Variants in NT5DC3 observed in about 807,000 individuals in gnomAD.
NT5DC3 encodes 5'-nucleotidase domain-containing protein 3.
Under a neutral mutation model 67.8 loss-of-function variants are expected in NT5DC3, and 42 were observed. The observed-to-expected ratio is 0.62, with a 90% CI of 0.48 to 0.80. NT5DC3 has a LOEUF of 0.80. Among genes scored for constraint, NT5DC3 ranks in the 30% least tolerant of loss-of-function variants. The pLI, the probability that NT5DC3 is intolerant of heterozygous loss-of-function variation, is 0.00. For missense variants in NT5DC3, 570 were observed against 696.4 expected (o/e 0.82, Z 2.04); for synonymous variants, 237 against 255.6 (o/e 0.93, Z 0.69).
In NT5DC3 at chr12:103,776,674, C is replaced by CAAAAAA. The variant is rs59680009; in HGVS notation, c.*1149_*1154dup. On this transcript the variant is annotated 3_prime_UTR_variant, in exon 14 of 14. Transcript: ENST00000392876. Reference sequence around the variant, plus strand: ...ACATCTAAAAAAAAACAAAACAAAACAAAAAAAAAAAAAACAAACTACACA... The same window carrying CAAAAAA: ...ACATCTAAAAAAAAACAAAACAAAACAAAAAAAAAAAAAAAAAAAACAAACTACACA... The CAAAAAA allele has an allele frequency of 4.5e-5, 6 of 134,778 alleles. No homozygotes were observed. The highest frequency in any genetic ancestry group is 4.8e-5 in the Non-Finnish European group (3 of 63,008). The allele number at this position is 134,778 out of a possible 1,614,324, so 8.3% of individuals were successfully genotyped here.
intron 2 of NT5DC3, among the ~76,000 whole-genome samples, chr12:103,807,154 A>G (rs1427758140): frequency 1.3e-5 from 2 of 152,074 alleles, no homozygotes; most frequent in Non-Finnish European, 2.9e-5. Flanking sequence ...CCATCTGCCC[A>G]AGCACAGGCT....
intron 4 of NT5DC3, among the ~76,000 whole-genome samples, chr12:103,805,061 A>C (rs1384022249): frequency 6.6e-6 from 1 of 151,814 alleles, no homozygotes; most frequent in Non-Finnish European, 1.5e-5. Flanking sequence ...CAATAACAAA[A>C]AAAAAAAAAA....
intron 1 of NT5DC3, among the ~76,000 whole-genome samples, chr12:103,829,394 T>C (rs1415703215): frequency 3.9e-5 from 6 of 152,374 alleles, no homozygotes; most frequent in South Asian, 4.1e-4. Flanking sequence ...ACCTTTCTTA[T>C]AGTATGTATT....
chr12:103,762,765 C>T, the NT5DC3 span, among the ~76,000 whole-genome samples: 1 of 152,244 alleles, frequency 6.6e-6, no homozygotes, highest in Admixed American at 6.5e-5. Context: ...CTAGCTTGGG[C>T]TTCAAGACCG....
chr12:103,788,969 T>C, intron 9 of NT5DC3, 50 bp from the exon 10 acceptor site: 2 of 1,223,510 alleles, frequency 1.6e-6, no homozygotes, highest in South Asian at 1.2e-5. Flanking sequence ...ACAGGCTGTC[T>C]GCTCTATGAA....
intron 1 of NT5DC3, among the ~76,000 whole-genome samples, chr12:103,834,397 T>A (rs1888058483): frequency 6.6e-6 from 1 of 152,062 alleles, no homozygotes; most frequent in African/African-American, 2.4e-5. Context: ...CCAGTACTCC[T>A]CAAAACTGTA....
intron 2 of NT5DC3, among the ~76,000 whole-genome samples, chr12:103,807,857 G>A (rs1886868609): frequency 6.6e-6 from 1 of 152,158 alleles, no homozygotes. Context: ...TGCTGCCAAT[G>A]TAAGATGTGC....
chr12:103,823,393 G>C (rs1008563396), intron 1 of NT5DC3, among the ~76,000 whole-genome samples: 2 of 152,132 alleles, frequency 1.3e-5, no homozygotes, highest in Admixed American at 1.3e-4. Context: ...CTCACTTAAT[G>C]CAAGACACTA....
chr12:103,832,318 G>A (rs61939609), intron 1 of NT5DC3, among the ~76,000 whole-genome samples: 18 of 151,832 alleles, frequency 1.2e-4, no homozygotes, highest in East Asian at 9.6e-4. Flanking sequence ...TTCCAAACCC[G>A]GCCTGTAAAA....
chr12:103,807,021 T>C, intron 2 of NT5DC3, 92 bp from the exon 3 acceptor site: 1 of 741,462 alleles, frequency 1.3e-6, no homozygotes. Context: ...GCTGAGGTAG[T>C]TGATACACCA....
chr12:103,840,173 A>T (rs1219963849), intron 1 of NT5DC3, among the ~76,000 whole-genome samples: 2 of 152,126 alleles, frequency 1.3e-5, no homozygotes, highest in African/African-American at 4.8e-5. Context: ...TCCTTCGTAG[A>T]TTACAGGAAC....
At chr12:103,746,841 C>G in the NT5DC3 span, 1 of 772,806 alleles carries the variant, frequency 1.3e-6, no homozygotes, top group Non-Finnish European at 2.2e-6. Flanking sequence ...CTCTATGACT[C>G]AGTTTCTTTA....
At chr12:103,748,591 CACACACACACACAT>C in the NT5DC3 span, among the ~76,000 whole-genome samples, 2,982 of 49,062 alleles carry the variant, frequency 0.061, 32 homozygotes, top group East Asian at 0.13. Context: ...ACACCACACA[CACACACACACACAT>C]ACACACACAC....
At chr12:103,757,521 T>C in the NT5DC3 span, among the ~76,000 whole-genome samples, 8 of 152,340 alleles carry the variant, frequency 5.3e-5, no homozygotes, top group Admixed American at 3.3e-4. Context: ...ATGGAAAAAG[T>C]GGAGCAGGGC....
At chr12:103,746,513 G>A in the NT5DC3 span, 1 of 1,302,966 alleles carries the variant, frequency 7.7e-7, no homozygotes, top group Middle Eastern at 1.8e-4. Context: ...TGGTCGTCCA[G>A]AGAGAGTCTT....
At chr12:103,782,751 G>A (rs190409221) in intron 12 of NT5DC3, among the ~76,000 whole-genome samples, 10 of 152,148 alleles carry the variant, frequency 6.6e-5, no homozygotes, top group South Asian at 6.2e-4. Flanking sequence ...CATGAGACTC[G>A]GCTCCAAATG....
intron 1 of NT5DC3, among the ~76,000 whole-genome samples, chr12:103,834,795 G>A (rs4964540): frequency 6.6e-6 from 1 of 152,088 alleles, no homozygotes; most frequent in Admixed American, 6.5e-5. Flanking sequence ...TTCACTCTGG[G>A]AGCCTTTTAA....
At chr12:103,793,348 C>G in intron 8 of NT5DC3, 62 bp downstream of exon 8, 2 of 1,566,414 alleles carry the variant, frequency 1.3e-6, no homozygotes, top group South Asian at 1.1e-5. Flanking sequence ...TTTCCAGCTG[C>G]TAAAACAAAT....
At chr12:103,832,341 G>A (rs1249114717) in intron 1 of NT5DC3, among the ~76,000 whole-genome samples, 1 of 151,792 alleles carries the variant, frequency 6.6e-6, no homozygotes, top group East Asian at 1.9e-4. Context: ...ATAGATTCCC[G>A]GGTCTTACCT....
Sources: allele counts gnomAD v4.1 joint callset (sites outside exome capture counted in the v4.1 genomes callset), GRCh38; gene constraint gnomAD v4.1.1; transcripts MANE v1.5; gene names NCBI Gene and HGNC (gene_info 2026-07-23, HGNC 2026-07-21).